The following DOK6 variants were observed in gnomAD, a reference collection of about 807,000 sequenced individuals.
DOK6 encodes downstream of tyrosine kinase 6.
DOK6 carries 22 observed loss-of-function variants against 44.0 expected under a neutral mutation model. The ratio of observed to expected loss-of-function variants is 0.50; its 90% confidence interval spans 0.36 to 0.71. The LOEUF (loss-of-function observed/expected upper bound fraction) is 0.71. DOK6 is among the 30% of genes least tolerant of loss of function. The pLI, the probability that DOK6 is intolerant of heterozygous loss-of-function variation, is 0.00. For synonymous variants in DOK6, 166 were observed against 145.5 expected (o/e 1.14, Z -1.01); for missense variants, 340 against 416.4 (o/e 0.82, Z 1.60).
At chr18:69,622,700 A>C (rs1214290389) in intron 3 of DOK6, among the ~76,000 whole-genome samples, 2 of 152,218 alleles carry the variant, frequency 1.3e-5, no homozygotes, top group East Asian at 3.8e-4. Context: ...TGGAAATTGC[A>C]GAATGACACA....
intron 1 of DOK6, among the ~76,000 whole-genome samples, chr18:69,411,643 G>A (rs1978306411): frequency 6.6e-6 from 1 of 152,070 alleles, no homozygotes; most frequent in Non-Finnish European, 1.5e-5. Context: ...GTTTTCAGGA[G>A]TTTTGTTATG....
At chr18:69,558,476 A>ATT (rs5825954) in intron 1 of DOK6, among the ~76,000 whole-genome samples, 1 of 151,376 alleles carries the variant, frequency 6.6e-6, no homozygotes, top group Non-Finnish European at 1.5e-5. Flanking sequence ...TTATTAAATG[A>ATT]TTTTTTTTTG....
chr18:69,547,191 C>T (rs1201889464), intron 1 of DOK6, among the ~76,000 whole-genome samples: 1 of 151,596 alleles, frequency 6.6e-6, no homozygotes, highest in Non-Finnish European at 1.5e-5. Context: ...ACCTCTGCCT[C>T]CTGTGTTCAA....
rs372958644 is a variant in DOK6, at chr18:69,659,962, T to TTATATA, written c.290-17764_290-17759dup. On this transcript the variant is annotated intron_variant, in intron 3 of 7. Coordinates refer to ENST00000382713, the MANE Select transcript of DOK6 (RefSeq NM_152721.6). ...TATATATATAACATATATGTATGTT[T>TTATATA]TATATATATATATGTATATAAAGAA... 18 of 66,846 alleles carry TTATATA rather than the reference T, an allele frequency of 2.7e-4. 1 individual carries two copies. The highest frequency in any genetic ancestry group is 0.012 in the Middle Eastern group (1 of 82). 4.1% of individuals were successfully genotyped at this position (66,846 alleles called of 1,614,324 possible). A position where few individuals can be genotyped will look rare whatever the true frequency, so the allele number is the denominator to read the frequency against.
chr18:69,513,964 C>A (rs895336333), intron 1 of DOK6, among the ~76,000 whole-genome samples: 3 of 151,864 alleles, frequency 2.0e-5, no homozygotes, highest in Non-Finnish European at 2.9e-5. Flanking sequence ...CATATTACCT[C>A]TAGTTAGGTT....
intron 1 of DOK6, among the ~76,000 whole-genome samples, chr18:69,468,353 A>C (rs1215141498): frequency 1.3e-5 from 2 of 152,226 alleles, no homozygotes; most frequent in African/African-American, 4.8e-5. Flanking sequence ...TGATCATTAC[A>C]TGTTATATGC....
intron 7 of DOK6, among the ~76,000 whole-genome samples, chr18:69,807,800 T>C (rs1682050340): frequency 1.3e-5 from 2 of 151,718 alleles, no homozygotes; most frequent in Non-Finnish European, 3.0e-5. Context: ...AAAGCAAATA[T>C]TAATAAATTA....
chr18:69,485,905 G>GTA (rs1197842355), intron 1 of DOK6, among the ~76,000 whole-genome samples: 4 of 150,450 alleles, frequency 2.7e-5, no homozygotes, highest in Non-Finnish European at 4.4e-5. Flanking sequence ...GTGTGTGTGT[G>GTA]TATATGTATA....
At chr18:69,455,333 G>A (rs570792804) in intron 1 of DOK6, among the ~76,000 whole-genome samples, 1 of 152,082 alleles carries the variant, frequency 6.6e-6, no homozygotes, top group South Asian at 2.1e-4. Flanking sequence ...ACACTGAAAG[G>A]CATTCTTGCA....
intron 3 of DOK6, among the ~76,000 whole-genome samples, chr18:69,614,675 T>G (rs1190323942): frequency 6.6e-6 from 1 of 152,068 alleles, no homozygotes; most frequent in Non-Finnish European, 1.5e-5. Context: ...GAAATTAATT[T>G]GTTTTGCATC....
At chr18:69,429,620 C>CATATATATATATATATATATAT (rs143819043) in intron 1 of DOK6, among the ~76,000 whole-genome samples, 1 of 105,932 alleles carries the variant, frequency 9.4e-6, no homozygotes, top group African/African-American at 3.3e-5. Context: ...TTGAGGGATA[C>CATATATATATATATATATATAT]ATATATATAT....
chr18:69,418,347 G>C (rs1978395139), intron 1 of DOK6, among the ~76,000 whole-genome samples: 1 of 152,034 alleles, frequency 6.6e-6, no homozygotes, highest in Non-Finnish European at 1.5e-5. Flanking sequence ...TCAAATGGAT[G>C]ATCTTTTATT....
chr18:69,559,060 C>A (rs542608309), intron 1 of DOK6, among the ~76,000 whole-genome samples: 2 of 152,024 alleles, frequency 1.3e-5, no homozygotes, highest in Non-Finnish European at 2.9e-5. Flanking sequence ...TCAGTCTTAT[C>A]TCTGTGTGAT....
At chr18:69,737,971 A>G (rs1978670045) in intron 5 of DOK6, among the ~76,000 whole-genome samples, 1 of 152,220 alleles carries the variant, frequency 6.6e-6, no homozygotes, top group Non-Finnish European at 1.5e-5. Context: ...ATCAACAAAG[A>G]AAGCTCATTT....
intron 1 of DOK6, among the ~76,000 whole-genome samples, chr18:69,505,426 C>T (rs747009344): frequency 2.0e-5 from 3 of 148,950 alleles, no homozygotes; most frequent in Non-Finnish European, 4.4e-5. Flanking sequence ...TGTGGTGGAG[C>T]GGTTACAAAT....
intron 5 of DOK6, among the ~76,000 whole-genome samples, chr18:69,728,298 T>C (rs1385155844): frequency 6.7e-6 from 1 of 150,188 alleles, no homozygotes; most frequent in African/African-American, 2.5e-5. Flanking sequence ...CATCGGGATA[T>C]ACAAGTCTCA....
At chr18:69,471,401 A>G (rs1980103015) in intron 1 of DOK6, among the ~76,000 whole-genome samples, 1 of 152,010 alleles carries the variant, frequency 6.6e-6, no homozygotes, top group Non-Finnish European at 1.5e-5. Flanking sequence ...CTTGAGGAAC[A>G]AAAATGAGGT....
chr18:69,489,880 G>A (rs1034568333), intron 1 of DOK6, among the ~76,000 whole-genome samples: 2 of 150,832 alleles, frequency 1.3e-5, no homozygotes, highest in Non-Finnish European at 2.9e-5. Flanking sequence ...AAATACATTA[G>A]GAAGAACAGT....
chr18:69,614,787 TAATA>T (rs548091151), intron 3 of DOK6, among the ~76,000 whole-genome samples: 53 of 151,750 alleles, frequency 3.5e-4, no homozygotes, highest in African/African-American at 1.3e-3. Flanking sequence ...TTATAATAAA[TAATA>T]TATATGTATA....
Sources: gnomAD v4.1 joint callset for allele counts (sites outside exome capture counted in the v4.1 genomes callset) on GRCh38, gnomAD v4.1.1 for gene constraint, MANE v1.5 for transcripts, NCBI Gene and HGNC (gene_info 2026-07-23, HGNC 2026-07-21) for gene names.